Variants in COL21A1 observed in about 807,000 individuals in gnomAD.
The protein encoded by COL21A1 is collagen type XXI alpha 1 chain.
COL21A1 carries 149 observed loss-of-function variants against 137.9 expected under a neutral mutation model. The observed-to-expected ratio is 1.08, with a 90% CI of 0.95 to 1.24. The LOEUF is 1.24. COL21A1 is among the 50% of genes most tolerant of loss of function. The pLI, the probability that COL21A1 is intolerant of heterozygous loss-of-function variation, is 0.00. For synonymous variants in COL21A1, 456 were observed against 391.5 expected, an observed-to-expected ratio of 1.16 and a Z score of -1.95; for missense variants, 1,167 against 1,158.4, an observed-to-expected ratio of 1.01 and a Z score of -0.11.
chr6:56,316,980 G>A (rs1286476658), intron 1 of COL21A1, among the ~76,000 whole-genome samples: 1 of 152,052 alleles, frequency 6.6e-6, no homozygotes, highest in Non-Finnish European at 1.5e-5. Flanking sequence ...GCCCCAAGGA[G>A]TTTCTCACTT....
At chr6:56,100,699 T>C (rs1277803745) in intron 17 of COL21A1, among the ~76,000 whole-genome samples, 3 of 152,192 alleles carry the variant, frequency 2.0e-5, no homozygotes, top group Non-Finnish European at 4.4e-5. Flanking sequence ...ATACACAAGA[T>C]GAAATTCAAC....
At chr6:56,074,507 C>T (rs1009340329) in intron 19 of COL21A1, among the ~76,000 whole-genome samples, 1 of 151,334 alleles carries the variant, frequency 6.6e-6, no homozygotes, top group Non-Finnish European at 1.5e-5. Flanking sequence ...TAGCAGAGCG[C>T]TTATGATTCT....
chr6:56,277,298 C>T (rs1393850879), intron 1 of COL21A1, among the ~76,000 whole-genome samples: 1 of 152,160 alleles, frequency 6.6e-6, no homozygotes, highest in Non-Finnish European at 1.5e-5. Context: ...TCCCCACTCC[C>T]CTCAACCCAC....
intron 9 of COL21A1, 97 bp from the exon 10 acceptor site, chr6:56,157,046 G>A: frequency 4.2e-6 from 3 of 712,540 alleles, no homozygotes; most frequent in Admixed American, 3.2e-5. Context: ...CATTATTTGA[G>A]GTTTTTTGTA....
At chr6:56,093,183 A>G (rs760692639) in intron 17 of COL21A1, among the ~76,000 whole-genome samples, 1 of 152,074 alleles carries the variant, frequency 6.6e-6, no homozygotes, top group East Asian at 1.9e-4. Flanking sequence ...GGGGATTAAG[A>G]GCTGATGTCT....
intron 6 of COL21A1, among the ~76,000 whole-genome samples, 176 bp downstream of exon 6, chr6:56,167,948 G>A (rs1022551787): frequency 5.3e-5 from 8 of 152,078 alleles, no homozygotes; most frequent in African/African-American, 1.9e-4. Context: ...GTCCAATTCT[G>A]CATTTTAATA....
chr6:56,187,913 A>T (rs1055988185), intron 1 of COL21A1, among the ~76,000 whole-genome samples: 2 of 152,202 alleles, frequency 1.3e-5, no homozygotes, highest in African/African-American at 4.8e-5. Context: ...CTGACAAATG[A>T]CTCATATCAG....
At chr6:56,319,594 C>T (rs550554602) in intron 1 of COL21A1, among the ~76,000 whole-genome samples, 143 of 152,264 alleles carry the variant, frequency 9.4e-4, no homozygotes, top group Non-Finnish European at 1.8e-3. Context: ...TACCCTGGCC[C>T]CCCAAAGTGT....
At chr6:56,333,233 A>C (rs1235666625) in intron 1 of COL21A1, among the ~76,000 whole-genome samples, 3 of 152,260 alleles carry the variant, frequency 2.0e-5, no homozygotes, top group Non-Finnish European at 4.4e-5. Context: ...AAACATGTCT[A>C]TCACCTGCAA....
At chr6:56,386,706 T>C (rs146990798) in intron 1 of COL21A1, among the ~76,000 whole-genome samples, 5 of 152,332 alleles carry the variant, frequency 3.3e-5, no homozygotes, top group African/African-American at 1.2e-4. Flanking sequence ...CATCTTTTTA[T>C]GATTTTCTTT....
intron 1 of COL21A1, among the ~76,000 whole-genome samples, chr6:56,260,093 AAG>A (rs1364089596): frequency 6.6e-6 from 1 of 152,196 alleles, no homozygotes; most frequent in Non-Finnish European, 1.5e-5. Flanking sequence ...CAACAAAAGT[AAG>A]AGAGAGTTGT....
chr6:56,355,427 C>T lies in COL21A1; in HGVS notation c.-39+38544G>A, dbSNP rs757249425. On this transcript the variant is annotated intron_variant, in intron 1 of 28. Transcript: ENST00000370819. Reference sequence around the variant, plus strand: ...ATTACAAGGAAAAAAAAGGGAGAGACGGGGTGGGGGGTAAACCTGTAGATT... The same window carrying T: ...ATTACAAGGAAAAAAAAGGGAGAGATGGGGTGGGGGGTAAACCTGTAGATT... Among the ~76,000 whole-genome samples the T allele has an allele frequency of 4.6e-5, 7 of 151,726 alleles. No homozygotes were observed. In the South Asian group the frequency reaches 6.2e-4, roughly 14 times the overall value.
intron 1 of COL21A1, among the ~76,000 whole-genome samples, chr6:56,306,126 G>A (rs1189368842): frequency 1.0e-5 from 1 of 99,148 alleles, no homozygotes; most frequent in East Asian, 2.9e-4. Flanking sequence ...GCTTCCTTTT[G>A]TGGGTAACCC....
rs1443473155 is a variant in COL21A1, at chr6:56,304,482, T to G, written c.-39+89489A>C. Among the ~76,000 whole-genome samples, 17 of 152,350 alleles carry G rather than the reference T, an allele frequency of 1.1e-4. No homozygotes were observed. The South Asian group carries it at 3.3e-3, about 30-fold the overall frequency. Reference sequence around the variant, plus strand: ...TTGGGAGGGTGTATGTGTCGAGGAATTTATCCATTTCTTCTAGATTTTCTA... The same window carrying G: ...TTGGGAGGGTGTATGTGTCGAGGAAGTTATCCATTTCTTCTAGATTTTCTA... On this transcript the variant is annotated intron_variant, in intron 1 of 28. Coordinates refer to the COL21A1 transcript ENST00000370819.
chr6:56,087,635 C>T (rs1228207870), intron 17 of COL21A1, among the ~76,000 whole-genome samples: 3 of 152,154 alleles, frequency 2.0e-5, no homozygotes, highest in Non-Finnish European at 2.9e-5. Context: ...AGTTTCCCTT[C>T]AAGGCTTGGG....
At chr6:56,097,434 C>G (rs748387929) in intron 17 of COL21A1, among the ~76,000 whole-genome samples, 1 of 151,932 alleles carries the variant, frequency 6.6e-6, no homozygotes, top group Non-Finnish European at 1.5e-5. Flanking sequence ...CATCTATCTC[C>G]CCAACTAGGC....
Position 56,075,501 on chromosome 6 carries a change from T to C in COL21A1, c.1889A>G (p.Lys630Arg). The C allele has an allele frequency of 1.9e-6, 3 of 1,538,756 alleles. No homozygotes were observed. Among genetic ancestry groups the C allele is most frequent in the South Asian group, 1.2e-5 (1 of 80,922 alleles). The change falls in exon 19 of 30, where the codon AAA (lysine) becomes AGA (arginine). Residue 630 changes from lysine (K) to arginine (R), a missense_variant. Coordinates refer to ENST00000244728, the MANE Select transcript of COL21A1 (RefSeq NM_030820.4). ...TACAGGCATCCCTGGGGCTCCTTTT[T>C]TTCCTTGCTGTCCTGGAGGCCCAAT... ...GEIGPPGQQG[K>R]KGAPGMPGLM...
intron 12 of COL21A1, among the ~76,000 whole-genome samples, chr6:56,138,974 G>C (rs1320303992): frequency 6.6e-6 from 1 of 152,090 alleles, no homozygotes; most frequent in African/African-American, 2.4e-5. Context: ...AAAAAGATGG[G>C]ATCCAGACTG....
At chr6:56,361,625 C>T (rs901156271) in intron 1 of COL21A1, among the ~76,000 whole-genome samples, 1 of 151,718 alleles carries the variant, frequency 6.6e-6, no homozygotes, top group Non-Finnish European at 1.5e-5. Context: ...AATAATGGCA[C>T]CAAAATGGTA....
Sources: gnomAD v4.1 joint callset for allele counts (sites outside exome capture counted in the v4.1 genomes callset) on GRCh38, gnomAD v4.1.1 for gene constraint, MANE v1.5 for transcripts, NCBI Gene and HGNC (gene_info 2026-07-23, HGNC 2026-07-21) for gene names.